The following GRK5 variants were observed in gnomAD, a reference collection of about 807,000 sequenced individuals.
GRK5 encodes the protein g protein-coupled receptor kinase GRK5.
GRK5 carries 40 observed loss-of-function variants against 78.4 expected under a neutral mutation model. The observed-to-expected ratio is 0.51, with a 90% CI of 0.40 to 0.66. The LOEUF is 0.66. Among genes scored for constraint, GRK5 ranks in the 30% least tolerant of loss-of-function variants. The probability of loss-of-function intolerance (pLI) is 0.00; values close to 1 mark genes in which losing one functional copy is unlikely to be tolerated. For synonymous variants in GRK5, 289 were observed against 296.8 expected (o/e 0.97, Z 0.27); for missense variants, 598 against 759.9 (o/e 0.79, Z 2.50).
intron 9 of GRK5, 132 bp downstream of exon 9, chr10:119,436,973 T>G (rs945812719): frequency 2.4e-6 from 2 of 843,864 alleles, no homozygotes; most frequent in African/African-American, 3.5e-5. Context: ...GGATGCAGAG[T>G]CAGACAGACT....
chr10:119,350,822 T>C (rs527821967), intron 2 of GRK5, among the ~76,000 whole-genome samples: 17 of 152,344 alleles, frequency 1.1e-4, no homozygotes, highest in African/African-American at 3.4e-4. Context: ...TAATGTTTGA[T>C]AGAACATGCA....
chr10:119,378,545 C>T lies in GRK5; in HGVS notation c.149-2270C>T, dbSNP rs930370268. ...ATGAAAGAAGGGGGCCTGGCCGCGG[C>T]TCTTTCCGTTCCAGGAGGCAGACAG... On this transcript the variant is annotated intron_variant, in intron 2 of 15. Coordinates refer to ENST00000392870, the MANE Select transcript of GRK5 (RefSeq NM_005308.3). This position sits in a 1 kb window ranked among gnomAD's most constrained non-coding sequence, Gnocchi z 4.5. Among the ~76,000 whole-genome samples, 4 of 152,272 alleles carry T rather than the reference C, an allele frequency of 2.6e-5. No individual in the cohort carries two copies. Among genetic ancestry groups the T allele is most frequent in the Non-Finnish European group, 4.4e-5 (3 of 68,046 alleles).
chr10:119,279,671 G>T (rs1380480098), intron 1 of GRK5, among the ~76,000 whole-genome samples: 1 of 152,240 alleles, frequency 6.6e-6, no homozygotes, highest in East Asian at 1.9e-4. Flanking sequence ...TGTGGCCGAG[G>T]CCAGCTCCAA....
chr10:119,430,681 A>G lies in GRK5; in HGVS notation c.597+243A>G, dbSNP rs374204844. 1.2e-4 allele frequency among the ~76,000 whole-genome samples: 19 copies of G among 152,196 alleles called. No homozygotes were observed. The East Asian group carries it at 3.3e-3, about 26-fold the overall frequency. ...ACAGACGTGCTCTCCTGCCAGCCTC[A>G]GGCAGGATCCAGCCTGCAGAGGACA... On this transcript the variant is annotated intron_variant, in intron 7 of 15. Transcript: ENST00000392870. This position sits in a 1 kb window ranked among gnomAD's most constrained non-coding sequence, Gnocchi z 4.5.
chr10:119,304,812 G>T (rs571082001), intron 1 of GRK5, among the ~76,000 whole-genome samples: 3 of 152,346 alleles, frequency 2.0e-5, no homozygotes, highest in Admixed American at 1.3e-4. Context: ...TGCTTGCCCT[G>T]TGCACGCAGA....
intron 2 of GRK5, among the ~76,000 whole-genome samples, chr10:119,339,856 T>C (rs902053777): frequency 2.0e-5 from 3 of 152,076 alleles, no homozygotes; most frequent in Admixed American, 6.5e-5. Flanking sequence ...GATCACACCA[T>C]TGCACTCCAA....
At chr10:119,330,817 T>C (rs973658961) in intron 2 of GRK5, among the ~76,000 whole-genome samples, 2 of 152,108 alleles carry the variant, frequency 1.3e-5, no homozygotes, top group Admixed American at 6.5e-5. Flanking sequence ...AGTCAGGAGT[T>C]AGAGACCAGC....
intron 10 of GRK5, among the ~76,000 whole-genome samples, chr10:119,441,602 AT>A (rs1853037489): frequency 6.6e-6 from 1 of 152,080 alleles, no homozygotes; most frequent in African/African-American, 2.4e-5. Context: ...TCGTTTTATA[AT>A]TTTTTCCCCT....
intron 3 of GRK5, among the ~76,000 whole-genome samples, chr10:119,390,741 C>T (rs1382049302): frequency 6.6e-6 from 1 of 152,172 alleles, no homozygotes; most frequent in African/African-American, 2.4e-5. Context: ...GAGACTTATT[C>T]ACTATCCCGA....
chr10:119,311,976 C>T (rs1043489653), intron 1 of GRK5, among the ~76,000 whole-genome samples: 5 of 138,152 alleles, frequency 3.6e-5, no homozygotes, highest in Admixed American at 7.9e-5. Context: ...AGTAGAGTGG[C>T]GCGATCTCAG....
intron 1 of GRK5, among the ~76,000 whole-genome samples, chr10:119,214,510 C>T (rs1168150606): frequency 6.6e-6 from 1 of 151,994 alleles, no homozygotes; most frequent in East Asian, 1.9e-4. Flanking sequence ...TTCTGGGGCA[C>T]TGAGGGGTTT....
chr10:119,393,258 A>G (rs1345326498), intron 3 of GRK5, among the ~76,000 whole-genome samples: 1 of 152,224 alleles, frequency 6.6e-6, no homozygotes, highest in African/African-American at 2.4e-5. Context: ...AGGCCTTTTG[A>G]TCCCGGCAGG....
At chr10:119,214,575 A>G (rs1848540757) in intron 1 of GRK5, among the ~76,000 whole-genome samples, 2 of 152,156 alleles carry the variant, frequency 1.3e-5, no homozygotes, top group Admixed American at 6.5e-5. Flanking sequence ...TCTGTAGTGC[A>G]GTGGTGCCAT....
intron 1 of GRK5, among the ~76,000 whole-genome samples, chr10:119,270,908 T>C (rs900076620): frequency 2.0e-5 from 3 of 152,204 alleles, no homozygotes; most frequent in African/African-American, 7.2e-5. Flanking sequence ...TGTGTTTGAG[T>C]GAGTTGGCAT....
At chr10:119,395,399 T>C (rs1281522404) in intron 3 of GRK5, among the ~76,000 whole-genome samples, 1 of 152,118 alleles carries the variant, frequency 6.6e-6, no homozygotes, top group African/African-American at 2.4e-5. Flanking sequence ...CCCTAGACAC[T>C]GAGGTGTGAA....
intron 2 of GRK5, among the ~76,000 whole-genome samples, chr10:119,354,119 A>T (rs561257637): frequency 7.2e-5 from 11 of 151,892 alleles, no homozygotes; most frequent in East Asian, 5.8e-4. Context: ...TTCTTTATTT[A>T]AAAAAATGTC....
chr10:119,241,478 C>T (rs1299065872), intron 1 of GRK5, among the ~76,000 whole-genome samples: 1 of 152,200 alleles, frequency 6.6e-6, no homozygotes, highest in Non-Finnish European at 1.5e-5. Flanking sequence ...TGTCCCACAC[C>T]GTTAACTGCA....
At chr10:119,311,130 T>G (rs1037057598) in intron 1 of GRK5, among the ~76,000 whole-genome samples, 2 of 152,134 alleles carry the variant, frequency 1.3e-5, no homozygotes, top group African/African-American at 2.4e-5. Context: ...TGTGGCTTAT[T>G]TGTTGTTGTT....
chr10:119,308,034 CT>C (rs1326572480), intron 1 of GRK5, among the ~76,000 whole-genome samples: 1 of 152,188 alleles, frequency 6.6e-6, no homozygotes. Flanking sequence ...GCACCCACCT[CT>C]CCAGGCATCG....
Sources: gnomAD v4.1 joint callset for allele counts (sites outside exome capture counted in the v4.1 genomes callset) on GRCh38, gnomAD v4.1.1 for gene constraint, Gnocchi (gnomAD v3.1) non-coding constraint, MANE v1.5 for transcripts, NCBI Gene and HGNC (gene_info 2026-07-23, HGNC 2026-07-21) for gene names.